The following CCDC27 variants were observed in gnomAD, a reference collection of about 807,000 sequenced individuals.
CCDC27 encodes the protein coiled-coil domain-containing protein 27.
In CCDC27, 80 loss-of-function variants were observed where a neutral mutation model predicts 80.3. The observed-to-expected ratio is 1.00, with a 90% confidence interval of 0.83 to 1.20. The LOEUF (loss-of-function observed/expected upper bound fraction) is 1.20, where lower values mean the gene tolerates loss of function less well. Among genes scored for constraint, CCDC27 ranks in the 50% most tolerant of loss-of-function variants. The pLI is 0.00. For synonymous variants in CCDC27, 342 were observed against 334.3 expected (o/e 1.02, Z -0.25); for missense variants, 815 against 809.4 (o/e 1.01, Z -0.08).
intron 2 of CCDC27, among the ~76,000 whole-genome samples, chr1:3,755,113 A>G (rs1213562397): frequency 6.6e-6 from 1 of 152,208 alleles, no homozygotes; most frequent in African/African-American, 2.4e-5. Flanking sequence ...TTTAGGGGAA[A>G]CAGGGTCTGC....
At chr1:3,756,458 GT>G (rs1405774147) in intron 3 of CCDC27, 1 of 310,542 alleles carries the variant, frequency 3.2e-6, no homozygotes, top group Non-Finnish European at 6.1e-6. Context: ...GCTCCGGCTC[GT>G]TTGTCCTGGG....
chr1:3,771,353 A>AG lies in CCDC27; in HGVS notation c.1849-46dup, dbSNP rs558036596. 2.3e-4 allele frequency: 368 copies of AG among 1,612,186 alleles called. 1 individual carries two copies. The African/African-American group carries it at 4.5e-3, about 20-fold the overall frequency. ...ACTGTGCAGACCGGCCTCAAGGCCA[A>AG]GGTGAGGAACTGGGAAGGCCACCTC... On this transcript the variant is annotated intron_variant, in intron 11 of 11. Transcript: ENST00000294600.
At chr1:3,767,499 C>G in intron 10 of CCDC27, 54 bp downstream of exon 10, 1 of 1,500,362 alleles carries the variant, frequency 6.7e-7, no homozygotes. Context: ...CGGCCGAGCA[C>G]CCAGGCCTCT....
rs1387920835 is a variant in CCDC27 at position 3,768,129 on chromosome 1, C to T, written c.1743+684C>T. On this transcript the variant is annotated intron_variant, in intron 10 of 11. Transcript: ENST00000294600. The surrounding 1 kb of genome is among the most constrained non-coding windows in gnomAD (Gnocchi z 5.6). ...TTTTTTTCTGAGACAGGGTCTTTCT[C>T]TGTCATCCAGTCTGGAGTGCAGTGG... Among the ~76,000 whole-genome samples, 4 of 135,780 alleles carry T rather than the reference C, an allele frequency of 2.9e-5. No homozygotes were observed. The highest frequency in any genetic ancestry group is 4.6e-5 in the Non-Finnish European group (3 of 64,904). 89.1% of individuals were successfully genotyped at this position (135,780 alleles called of 152,430 possible).
At chr1:3,756,615 T>G in intron 3 of CCDC27, 118 bp from the exon 4 acceptor site, 2 of 1,055,426 alleles carry the variant, frequency 1.9e-6, no homozygotes, top group South Asian at 2.9e-5. Context: ...GGAGTCTGTC[T>G]GGGCAGATAG....
rs764504424 is a variant in CCDC27 at position 3,769,785 on chromosome 1, C to T, written c.1746C>T (p.Leu582=). The change falls in exon 11 of 12, where the codon CTC becomes CTT. Residue 582 remains leucine, a splice_region_variant and synonymous_variant. Coordinates refer to ENST00000294600, the MANE Select transcript of CCDC27 (RefSeq NM_152492.3). The surrounding 1 kb of genome is among the most constrained non-coding windows in gnomAD (Gnocchi z 4.6). ...RVALESSQSR[L]ERLRNKIIQA... ...TAGTGTTGTCCCTTTGCTCACAGCT[C>T]GAGAGGTTAAGGAATAAGATCATCC... 1.1e-5 allele frequency: 17 copies of T among 1,612,962 alleles called. No individual in the cohort carries two copies. In the Admixed American group the frequency reaches 1.8e-4, roughly 17 times the overall value.
chr1:3,757,569 G>A, intron 4 of CCDC27, among the ~76,000 whole-genome samples: 1 of 151,802 alleles, frequency 6.6e-6, no homozygotes, highest in Non-Finnish European at 1.5e-5. Flanking sequence ...AGCCTCCCAA[G>A]CAGCTGGGAC....
intron 3 of CCDC27, chr1:3,755,886 T>G (rs570554830): frequency 6.7e-6 from 2 of 300,546 alleles, no homozygotes; most frequent in African/African-American, 4.2e-5. Context: ...CCCGGGACAC[T>G]GCTCCCGCAG....
intron 4 of CCDC27, among the ~76,000 whole-genome samples, chr1:3,758,554 C>T (rs752213356): frequency 1.3e-5 from 2 of 152,190 alleles, no homozygotes; most frequent in African/African-American, 4.8e-5. Flanking sequence ...TCAGAGCTCA[C>T]GGCAGCCTCC....
chr1:3,765,063 G>C (rs1435938932), intron 8 of CCDC27, among the ~76,000 whole-genome samples: 1 of 151,996 alleles, frequency 6.6e-6, no homozygotes, highest in Non-Finnish European at 1.5e-5. Context: ...CGATGAACAG[G>C]GGTAAAGTTT....
chr1:3,752,975 C>T (rs775318289), intron 1 of CCDC27, among the ~76,000 whole-genome samples, 176 bp downstream of exon 1: 2 of 152,210 alleles, frequency 1.3e-5, no homozygotes, highest in African/African-American at 2.4e-5. Flanking sequence ...GGAAAGAGCC[C>T]TGCGGTCCTC....
rs781385887 is a variant in CCDC27, at chr1:3,763,118, A to C, written c.965A>C (p.Glu322Ala). The C allele has an allele frequency of 1.4e-6, 2 of 1,475,104 alleles. No homozygotes were observed. Among genetic ancestry groups the C allele is most frequent in the East Asian group, 2.4e-5 (1 of 41,486 alleles). The allele number at this position is 1,475,104 out of a possible 1,614,324, so 91.4% of individuals were successfully genotyped here. A position where few individuals can be genotyped will look rare whatever the true frequency, so the allele number is the denominator to read the frequency against. Residue 322 changes from glutamate to alanine, a missense_variant, in exon 7 of 12, where the codon GAG (glutamate) becomes GCG (alanine). Coordinates refer to ENST00000294600, the MANE Select transcript of CCDC27 (RefSeq NM_152492.3). This position sits in a 1 kb window ranked among gnomAD's most constrained non-coding sequence, Gnocchi z 7.5. ...ELQHWWQMQEESAAPERGKEP... is the reference protein window; with the variant it reads ...ELQHWWQMQEASAAPERGKEP... ...CTACCCATCTTACAGATGCAGGAGG[A>C]GTCTGCGGCACCGGAGAGGGGCAAG... is the stretch of plus-strand genomic sequence containing the variant.
intron 8 of CCDC27, among the ~76,000 whole-genome samples, chr1:3,765,944 C>G (rs563606868): frequency 6.6e-6 from 1 of 151,896 alleles, no homozygotes; most frequent in East Asian, 1.9e-4. Flanking sequence ...TCACAGCTCA[C>G]TGCAGCCTCA....
chr1:3,767,477 C>A, intron 10 of CCDC27, 32 bp downstream of exon 10: 1 of 1,573,714 alleles, frequency 6.4e-7, no homozygotes, highest in Non-Finnish European at 8.6e-7. Flanking sequence ...GAGGGTCTGT[C>A]CCAGCAGCTG....
Position 3,763,692 on chromosome 1 carries a change from GC to G in CCDC27, c.1322-12del. ...CTGCTTGCTCCTGCTCACCGCCTCT[GC>G]CTCTGTGCCCAGGAGTGATTGCGTC... On this transcript the variant is annotated splice_polypyrimidine_tract_variant and intron_variant, in intron 7 of 11. Coordinates refer to ENST00000294600, the MANE Select transcript of CCDC27 (RefSeq NM_152492.3). This position sits in a 1 kb window ranked among gnomAD's most constrained non-coding sequence, Gnocchi z 7.5. 1 of 1,614,016 alleles carries G rather than the reference GC, an allele frequency of 6.2e-7. No homozygotes were observed. The highest frequency in any genetic ancestry group is 8.5e-7 in the Non-Finnish European group (1 of 1,179,936).
intron 2 of CCDC27, 32 bp from the exon 3 acceptor site, chr1:3,755,425 A>G: frequency 6.4e-7 from 1 of 1,553,540 alleles, no homozygotes; most frequent in Non-Finnish European, 8.9e-7. Flanking sequence ...AGACCGCAGC[A>G]GTCACCAGAT....
rs750926114 is a variant in CCDC27, at chr1:3,761,253, C to T, written c.712-28C>T. On this transcript the variant is annotated intron_variant, in intron 4 of 11. Transcript: ENST00000294600. This position sits in a 1 kb window ranked among gnomAD's most constrained non-coding sequence, Gnocchi z 5.0. ...GAAGAGTGTGTGGCTGCATGGCCCA[C>T]GGGGGCTGCCCTTGGTTTTCTGCCC... 8.1e-6 allele frequency: 13 copies of T among 1,609,310 alleles called. No homozygotes were observed. The highest frequency in any genetic ancestry group is 6.7e-5 in the East Asian group (3 of 44,834).
chr1:3,755,734 C>T, intron 3 of CCDC27, 167 bp downstream of exon 3: 1 of 613,750 alleles, frequency 1.6e-6, no homozygotes, highest in Non-Finnish European at 2.9e-6. Context: ...CAGAACTAGC[C>T]CTGCCTTCCC....
Position 3,763,938 on chromosome 1 carries a change from A to G in CCDC27, c.1452+102A>G. 5.4e-6 allele frequency: 8 copies of G among 1,486,708 alleles called. No homozygotes were observed. The highest frequency in any genetic ancestry group is 7.2e-6 in the Non-Finnish European group (8 of 1,112,138). The allele number at this position is 1,486,708 out of a possible 1,614,324, so 92.1% of individuals were successfully genotyped here. On this transcript the variant is annotated intron_variant, in intron 8 of 11. Transcript: ENST00000294600. The surrounding 1 kb of genome is among the most constrained non-coding windows in gnomAD (Gnocchi z 7.5). The stretch of plus-strand genomic sequence containing the variant: ...CAGGCGCTGCCCGTCCCATCTACTG[A>G]TGGAGACTTTGAGCCTGGGGTGTCC...
Sources: gnomAD v4.1 joint callset for allele counts (sites outside exome capture counted in the v4.1 genomes callset) on GRCh38, gnomAD v4.1.1 for gene constraint, Gnocchi (gnomAD v3.1) non-coding constraint, MANE v1.5 for transcripts, NCBI Gene and HGNC (gene_info 2026-07-23, HGNC 2026-07-21) for gene names.